FLT3: variants seen among roughly 807,000 people sequenced by gnomAD.
FLT3 encodes the protein fms related receptor tyrosine kinase 3.
A neutral mutation model predicts 126.6 loss-of-function variants in FLT3; 46 were observed. That is an observed-to-expected ratio of 0.36 (90% CI 0.29 to 0.46). The LOEUF (loss-of-function observed/expected upper bound fraction) is 0.46, where lower values mean the gene tolerates loss of function less well. Among genes scored for constraint, FLT3 ranks in the 20% least tolerant of loss-of-function variants. The pLI is 1.00. For missense variants in FLT3, 1,069 were observed against 1,190.3 expected, an observed-to-expected ratio of 0.90 and a Z score of 1.50; for synonymous variants, 404 against 434.4, an observed-to-expected ratio of 0.93 and a Z score of 0.87.
Position 28,095,013 on chromosome 13 carries a change from C to T in FLT3, c.43+5455G>A, listed in dbSNP as rs537431471. On this transcript the variant is annotated intron_variant, in intron 1 of 23. Coordinates refer to ENST00000241453, the MANE Select transcript of FLT3 (RefSeq NM_004119.3). ...TCCCCAAAGACAGAAAAATCTTCGA[C>T]CCTATAACTGTGACTACCTGAGAAG... Among the ~76,000 whole-genome samples the T allele has an allele frequency of 5.9e-5, 9 of 152,274 alleles. No homozygotes were observed. In the South Asian group the frequency reaches 1.9e-3, roughly 32 times the overall value.
At chr13:28,020,407 G>A (rs772776922) in intron 19 of FLT3, among the ~76,000 whole-genome samples, 11 of 152,144 alleles carry the variant, frequency 7.2e-5, no homozygotes, top group Middle Eastern at 6.8e-3. Context: ...GGAGTGCAGC[G>A]GTACAATCTC....
intron 1 of FLT3, among the ~76,000 whole-genome samples, chr13:28,098,554 G>T (rs1157154448): frequency 1.3e-5 from 2 of 152,072 alleles, no homozygotes; most frequent in African/African-American, 4.8e-5. Flanking sequence ...GTGGAAAACC[G>T]TTTGACGGTA....
intron 21 of FLT3, 22 bp from the exon 22 acceptor site, chr13:28,015,278 T>A (rs1871739967): frequency 7.1e-7 from 1 of 1,407,066 alleles, no homozygotes; most frequent in Non-Finnish European, 1.0e-6. Context: ...ATTAGACAAT[T>A]GCAGCCATTC....
intron 23 of FLT3, among the ~76,000 whole-genome samples, chr13:28,004,472 A>AT (rs963340433): frequency 2.0e-5 from 3 of 151,862 alleles, no homozygotes; most frequent in Non-Finnish European, 4.4e-5. Context: ...CACCCTGCTA[A>AT]TTTTTTTATT....
At chr13:28,009,565 T>A (rs1871195664) in intron 23 of FLT3, 1 of 152,158 alleles carries the variant, frequency 6.6e-6, no homozygotes, top group Admixed American at 6.6e-5. Context: ...TTAGTTTAGT[T>A]CTGTTCTGTT....
intron 15 of FLT3, among the ~76,000 whole-genome samples, chr13:28,031,182 G>C (rs2137664399): frequency 1.3e-5 from 2 of 152,046 alleles, no homozygotes; most frequent in Middle Eastern, 6.8e-3. Context: ...GAGCTGAGAT[G>C]GTGCCACTGC....
Position 28,027,128 on chromosome 13 carries a change from A to G in FLT3, c.2167T>C (p.Phe723Leu). Residue 723 changes from phenylalanine to leucine, a missense_variant, in exon 17 of 24, where the codon TTC becomes CTC. Transcript: ENST00000241453. The part of the protein sequence containing the change: ...TWTEIFKEHN[F>L]SFYPTFQSHP... ...GATTGGAAAGTGGGGTAAAAACTGAAATTGTGTTCCTTGAAAATCTCTGTC... is the reference window on the plus strand; with the variant it reads ...GATTGGAAAGTGGGGTAAAAACTGAGATTGTGTTCCTTGAAAATCTCTGTC... 1 of 1,613,794 alleles carries G rather than the reference A, an allele frequency of 6.2e-7. No individual in the cohort carries two copies.
intron 17 of FLT3, chr13:28,025,450 C>T (rs1320400008): frequency 2.3e-6 from 1 of 437,474 alleles, no homozygotes; most frequent in South Asian, 1.7e-5. Flanking sequence ...ATACAAATCT[C>T]TTTTAAGGTA....
At chr13:28,077,155 AAG>A (rs1264778232) in intron 1 of FLT3, among the ~76,000 whole-genome samples, 7 of 152,224 alleles carry the variant, frequency 4.6e-5, no homozygotes, top group African/African-American at 1.2e-4. Flanking sequence ...AACAAAAGAA[AAG>A]AGAGTTTTAT....
intron 1 of FLT3, among the ~76,000 whole-genome samples, chr13:28,092,876 G>C (rs1464657896): frequency 6.8e-6 from 1 of 146,976 alleles, no homozygotes; most frequent in Non-Finnish European, 1.5e-5. Flanking sequence ...CACACAGAGG[G>C]AAGATATAAC....
Position 28,011,694 on chromosome 13 carries a change from CCTTT to C in FLT3, c.2859+2754_2859+2757del, listed in dbSNP as rs1268801868. On this transcript the variant is annotated intron_variant, in intron 23 of 23. Coordinates refer to ENST00000241453, the MANE Select transcript of FLT3 (RefSeq NM_004119.3). The stretch of plus-strand genomic sequence containing the variant: ...TTCCTTCCTTCCCTCCTCCTTCCTT[CCTTT>C]CTTTCTCTTTTTCTCTTTCTTTCTT... Among the ~76,000 whole-genome samples the C allele has an allele frequency of 6.3e-3, 625 of 99,734 alleles. 3 individuals carry two copies. The highest frequency in any genetic ancestry group is 0.011 in the Non-Finnish European group (482 of 43,572). The allele number at this position is 99,734 out of a possible 152,430, so 65.4% of individuals were successfully genotyped here. A position where few individuals can be genotyped will look rare whatever the true frequency, so the allele number is the denominator to read the frequency against.
chr13:28,027,023 T>C (rs1169924217), intron 17 of FLT3, 65 bp downstream of exon 17: 2 of 1,447,890 alleles, frequency 1.4e-6, no homozygotes, highest in Non-Finnish European at 9.6e-7. Flanking sequence ...CGAAGTGTGT[T>C]TGAACAGCAC....
Position 28,048,414 on chromosome 13 carries a change from T to C in FLT3, c.1066A>G (p.Ser356Gly), listed in dbSNP as rs746064889. ...EKGFINATNS[S>G]EDYEIDQYEE... ...TATTGGTCAATTTCATAATCTTCACTTGAATTGGTAGCATTTATAAATCCC... is the reference window on the plus strand; with the variant it reads ...TATTGGTCAATTTCATAATCTTCACCTGAATTGGTAGCATTTATAAATCCC... The change falls in exon 9 of 24, where the codon AGT becomes GGT. Residue 356 changes from serine to glycine, a missense_variant. Coordinates refer to ENST00000241453, the MANE Select transcript of FLT3 (RefSeq NM_004119.3). 8 of 1,609,398 alleles carry C rather than the reference T, an allele frequency of 5.0e-6. No homozygotes were observed. Among genetic ancestry groups the C allele is most frequent in the African/African-American group, 1.3e-5 (1 of 74,962 alleles).
intron 23 of FLT3, chr13:28,009,549 T>C (rs1450456447): frequency 6.6e-6 from 1 of 152,042 alleles, no homozygotes; most frequent in Non-Finnish European, 1.5e-5. Context: ...TCACTTTTAT[T>C]TTAGTTTAGT....
intron 1 of FLT3, among the ~76,000 whole-genome samples, chr13:28,082,415 G>A (rs539068564): frequency 2.0e-5 from 3 of 152,082 alleles, no homozygotes; most frequent in Admixed American, 6.6e-5. Context: ...CCCTTGCCTC[G>A]TCCTGCCAAA....
chr13:28,061,965 T>C lies in FLT3; in HGVS notation c.270A>G (p.Thr90=), dbSNP rs773093005. 1.5e-5 allele frequency: 24 copies of C among 1,613,590 alleles called. No individual in the cohort carries two copies. The highest frequency in any genetic ancestry group is 1.8e-5 in the Non-Finnish European group (21 of 1,179,804). ...AVEVDVSASI[T]LQVLVDAPGN... ...CTGGGGCGTCGACCAGCACTTGCAG[T>C]GTGATGGAAGCAGATACATCCACTT... The change falls in exon 3 of 24, where the codon ACA becomes ACG. Residue 90 remains threonine (T), a synonymous_variant. Coordinates refer to ENST00000241453, the MANE Select transcript of FLT3 (RefSeq NM_004119.3).
intron 3 of FLT3, among the ~76,000 whole-genome samples, chr13:28,060,311 A>G (rs1876424071): frequency 1.3e-5 from 2 of 151,108 alleles, no homozygotes; most frequent in Non-Finnish European, 1.5e-5. Context: ...AATCCCAGCT[A>G]CTCAGGAGGC....
chr13:28,073,642 G>A (rs1877720664), intron 1 of FLT3, among the ~76,000 whole-genome samples: 1 of 151,972 alleles, frequency 6.6e-6, no homozygotes, highest in Admixed American at 6.6e-5. Context: ...CAATCAAAAT[G>A]GTGAATTTAA....
At position 28,035,523 on chromosome 13, in the gene FLT3, A is replaced by G; in HGVS notation, c.1569T>C (p.Ser523=). ...GAGAGTTTAAAAGGATCGTCTCACA[A>G]GATGTGCCAAGGGAATTGTATGCAC... ...KCCAYNSLGT[S]CETILLNSPG... Residue 523 remains serine (S), a synonymous_variant, in exon 12 of 24, where the codon TCT becomes TCC. Coordinates refer to ENST00000241453, the MANE Select transcript of FLT3 (RefSeq NM_004119.3). The G allele has an allele frequency of 1.2e-6, 2 of 1,613,926 alleles. No individual in the cohort carries two copies. Among genetic ancestry groups the G allele is most frequent in the Non-Finnish European group, 1.7e-6 (2 of 1,179,950 alleles).
Sources: gnomAD v4.1 joint callset for allele counts (sites outside exome capture counted in the v4.1 genomes callset) on GRCh38, gnomAD v4.1.1 for gene constraint, MANE v1.5 for transcripts, NCBI Gene and HGNC (gene_info 2026-07-23, HGNC 2026-07-21) for gene names.